MYO10: variants seen among roughly 807,000 people sequenced by gnomAD.
MYO10 encodes myosin X.
In MYO10, 133 loss-of-function variants were observed where a neutral mutation model predicts 257.3. The ratio of observed to expected loss-of-function variants is 0.52; its 90% confidence interval spans 0.45 to 0.60. The LOEUF (loss-of-function observed/expected upper bound fraction) is 0.60, where lower values mean the gene tolerates loss of function less well. Ranked by LOEUF, MYO10 falls within the 20% of genes least tolerant of loss-of-function variation. The pLI is 0.00. For synonymous variants in MYO10, 1,104 were observed against 1,028.6 expected, an observed-to-expected ratio of 1.07 and a Z score of -1.40; for missense variants, 2,399 against 2,635.7, an observed-to-expected ratio of 0.91 and a Z score of 1.97.
At chr5:16,883,967 G>T (rs749589587) in intron 1 of MYO10, among the ~76,000 whole-genome samples, 8 of 152,154 alleles carry the variant, frequency 5.3e-5, no homozygotes, top group Non-Finnish European at 1.2e-4. Context: ...CCCGGAACAG[G>T]GCACTGTGCC....
At chr5:16,689,685 C>T (rs1863996) in intron 28 of MYO10, 139 bp downstream of exon 28, 182,179 of 652,384 alleles carry the variant, frequency 0.28, 26,398 homozygotes, top group Non-Finnish European at 0.3. Context: ...GCATCAATCT[C>T]GTATGACTCT....
chr5:16,675,907 TC>T, intron 34 of MYO10, 123 bp downstream of exon 34: 1 of 1,213,378 alleles, frequency 8.2e-7, no homozygotes, highest in South Asian at 1.6e-5. Flanking sequence ...ATCTTTTCCT[TC>T]CAATTCACGA....
chr5:16,888,993 C>T (rs946266553), intron 1 of MYO10, among the ~76,000 whole-genome samples: 2 of 151,742 alleles, frequency 1.3e-5, no homozygotes, highest in African/African-American at 4.8e-5. Flanking sequence ...GGCAATATGG[C>T]AAAACCCTGT....
chr5:16,814,299 A>G (rs574715035), intron 3 of MYO10, among the ~76,000 whole-genome samples: 9 of 147,668 alleles, frequency 6.1e-5, no homozygotes, highest in South Asian at 2.1e-4. Context: ...CCGCCACCAC[A>G]CCCGGCTAAT....
At chr5:16,932,731 C>T (rs894649030) in intron 1 of MYO10, among the ~76,000 whole-genome samples, 26 of 152,110 alleles carry the variant, frequency 1.7e-4, no homozygotes, top group African/African-American at 4.6e-4. Context: ...TTGCAAGCTT[C>T]CCCCTGGCGC....
chr5:16,838,635 T>C, intron 2 of MYO10, among the ~76,000 whole-genome samples: 1 of 152,170 alleles, frequency 6.6e-6, no homozygotes, highest in Non-Finnish European at 1.5e-5. Context: ...TTGATGAAGG[T>C]GGCTACACTA....
At chr5:16,705,773 A>C (rs1318339134) in intron 21 of MYO10, among the ~76,000 whole-genome samples, 1 of 152,222 alleles carries the variant, frequency 6.6e-6, no homozygotes, top group Non-Finnish European at 1.5e-5. Flanking sequence ...CTTGTGACTC[A>C]CAGCCGTACC....
chr5:16,678,003 C>T lies in MYO10; in HGVS notation c.4543-1849G>A, dbSNP rs553698660. 1.4e-4 allele frequency among the ~76,000 whole-genome samples: 22 copies of T among 152,120 alleles called. 1 individual carries two copies. The East Asian group carries it at 4.3e-3, about 30-fold the overall frequency. The stretch of plus-strand genomic sequence containing the variant: ...CTCAAACTCCTGACCTCAGGTGATC[C>T]ACCCACCTCAGCCTCCCAAAGTGCT... On this transcript the variant is annotated intron_variant, in intron 33 of 40. Coordinates refer to ENST00000513610, the MANE Select transcript of MYO10 (RefSeq NM_012334.3).
intron 9 of MYO10, among the ~76,000 whole-genome samples, chr5:16,776,375 T>C (rs1741213198): frequency 6.6e-6 from 1 of 152,150 alleles, no homozygotes; most frequent in African/African-American, 2.4e-5. Context: ...ATTTTGCTAT[T>C]ATTATAGCAA....
chr5:16,742,282 A>G, intron 19 of MYO10: 2 of 978,874 alleles, frequency 2.0e-6, no homozygotes, highest in Non-Finnish European at 2.4e-6. Context: ...AGCTCTGATG[A>G]ATAGTTTCCA....
chr5:16,847,030 A>G lies in MYO10; in HGVS notation c.121-28863T>C, dbSNP rs113746970. 6.9e-3 allele frequency among the ~76,000 whole-genome samples: 1,049 copies of G among 152,244 alleles called. 8 individuals carry two copies. Among genetic ancestry groups the G allele is most frequent in the African/African-American group, 0.023 (973 of 41,534 alleles). On this transcript the variant is annotated intron_variant, in intron 2 of 40. Transcript: ENST00000513610. The stretch of plus-strand genomic sequence containing the variant: ...CTATGCGGGAGGTTACGGCACAAGA[A>G]TCACTTGAACCCAGAAGACAGAGAT...
intron 23 of MYO10, 102 bp downstream of exon 23, chr5:16,702,823 G>C (rs1738145481): frequency 8.8e-7 from 1 of 1,137,466 alleles, no homozygotes; most frequent in Non-Finnish European, 1.3e-6. Flanking sequence ...CAAATTGTAG[G>C]TTCTGGGGCA....
intron 19 of MYO10, among the ~76,000 whole-genome samples, chr5:16,712,367 T>C (rs998521468): frequency 2.0e-5 from 3 of 152,144 alleles, no homozygotes; most frequent in African/African-American, 7.2e-5. Context: ...GCCAGGACAA[T>C]AGGTTTTCAG....
chr5:16,870,889 TCA>T (rs1363959187), intron 2 of MYO10, among the ~76,000 whole-genome samples: 1 of 152,030 alleles, frequency 6.6e-6, no homozygotes, highest in Non-Finnish European at 1.5e-5. Context: ...CAAAACTCAG[TCA>T]CACACACACA....
At chr5:16,919,124 C>A (rs190979968) in intron 1 of MYO10, among the ~76,000 whole-genome samples, 2 of 152,212 alleles carry the variant, frequency 1.3e-5, no homozygotes, top group East Asian at 3.9e-4. Flanking sequence ...CACCTGTAAT[C>A]CCAGCACTTT....
At chr5:16,792,572 C>T (rs1170039221) in intron 4 of MYO10, among the ~76,000 whole-genome samples, 2 of 117,594 alleles carry the variant, frequency 1.7e-5, no homozygotes, top group Non-Finnish European at 3.7e-5. Flanking sequence ...CCCAGTCCCT[C>T]CCCACAGGAG....
At position 16,758,153 on chromosome 5, in the gene MYO10, T is replaced by C. The variant is rs764412025; in HGVS notation, c.1813A>G (p.Lys605Glu). ...NNQDTLKCGS[K>E]HRRPTVSSQF... ...GAGCTGACTGTAGGCCGCCGATGTT[T>C]GCTTCCACATTTCAAGGTATCCTGG... The change falls in exon 18 of 41, where the codon AAA becomes GAA. Residue 605 changes from lysine (K) to glutamate (E), a missense_variant. Transcript: ENST00000513610. The C allele has an allele frequency of 6.2e-7, 1 of 1,613,658 alleles. No individual in the cohort carries two copies.
In MYO10 at chr5:16,783,418, A is replaced by C. The variant is rs1741482595; in HGVS notation, c.519T>G (p.Phe173Leu). 6.2e-7 allele frequency: 1 copy of C among 1,610,362 alleles called. No homozygotes were observed. ...AAGACTGTTGACTGATGACTGACAGAAACTTGAGGATCAATTTAGTGCTTT... is the reference window on the plus strand; with the variant it reads ...AAGACTGTTGACTGATGACTGACAGCAACTTGAGGATCAATTTAGTGCTTT... ...KTESTKLILK[F>L]LSVISQQSLE... Residue 173 changes from phenylalanine to leucine, a missense_variant, in exon 5 of 41, where the codon TTT becomes TTG. Phe to Leu is a conservative substitution (Grantham distance 22). Around this residue, in one of 3 missense-constraint regions of MYO10, gnomAD observed 242 missense variants for 249.5 expected, o/e 0.97. Coordinates refer to ENST00000513610, the MANE Select transcript of MYO10 (RefSeq NM_012334.3).
At chr5:16,860,284 C>T (rs1460637966) in intron 2 of MYO10, among the ~76,000 whole-genome samples, 4 of 152,070 alleles carry the variant, frequency 2.6e-5, no homozygotes, top group Admixed American at 6.6e-5. Flanking sequence ...GGAAGTAGCT[C>T]GACTGGAAGT....
Sources: allele counts gnomAD v4.1 joint callset (sites outside exome capture counted in the v4.1 genomes callset), GRCh38; gene constraint gnomAD v4.1.1; regional missense constraint gnomAD v4.1.1; transcripts MANE v1.5; gene names NCBI Gene and HGNC (gene_info 2026-07-23, HGNC 2026-07-21).